PPP2R2B: variants seen among roughly 807,000 people sequenced by gnomAD.
PPP2R2B encodes the protein protein phosphatase 2 regulatory subunit Bbeta.
A neutral mutation model predicts 46.0 loss-of-function variants in PPP2R2B; 5 were observed. The observed-to-expected ratio is 0.11, with a 90% CI of 0.06 to 0.23. The LOEUF (loss-of-function observed/expected upper bound fraction) is 0.23. Ranked by LOEUF, PPP2R2B falls within the 10% of genes least tolerant of loss-of-function variation. The pLI, the probability that PPP2R2B is intolerant of heterozygous loss-of-function variation, is 1.00. For missense variants in PPP2R2B, 367 were observed against 575.0 expected, an observed-to-expected ratio of 0.64 and a Z score of 3.70; for synonymous variants, 215 against 206.7, an observed-to-expected ratio of 1.04 and a Z score of -0.34.
intron 2 of PPP2R2B, among the ~76,000 whole-genome samples, chr5:146,849,036 CTT>C (rs1029566096): frequency 6.6e-6 from 1 of 151,692 alleles, no homozygotes. Flanking sequence ...GGCTTTTTTC[CTT>C]TTTTTTCAGT....
At chr5:146,835,784 G>A (rs1163073616) in intron 2 of PPP2R2B, among the ~76,000 whole-genome samples, 1 of 152,120 alleles carries the variant, frequency 6.6e-6, no homozygotes, top group Non-Finnish European at 1.5e-5. Flanking sequence ...TTGTAAATAA[G>A]GCTGGCAATG....
At chr5:146,965,129 A>G (rs556488978) in intron 1 of PPP2R2B, among the ~76,000 whole-genome samples, 26 of 152,320 alleles carry the variant, frequency 1.7e-4, no homozygotes, top group Non-Finnish European at 3.1e-4. Context: ...ACTTACTCAC[A>G]GTCACTCAGT....
intron 1 of PPP2R2B, among the ~76,000 whole-genome samples, chr5:146,920,521 T>C (rs891284593): frequency 6.6e-6 from 1 of 152,228 alleles, no homozygotes; most frequent in Admixed American, 6.5e-5. Flanking sequence ...ATATGCCACC[T>C]GATTGCTTTG....
intron 2 of PPP2R2B, among the ~76,000 whole-genome samples, chr5:147,078,882 G>A (rs1457841241): frequency 6.6e-6 from 1 of 151,780 alleles, no homozygotes; most frequent in Admixed American, 6.6e-5. Context: ...AGACCTCAGA[G>A]TCTCTATTGT....
chr5:147,062,348 T>C (rs1033718269), intron 2 of PPP2R2B, among the ~76,000 whole-genome samples: 3 of 152,156 alleles, frequency 2.0e-5, no homozygotes, highest in Non-Finnish European at 2.9e-5. Flanking sequence ...TGCATGACGG[T>C]AGTAGTAATA....
At chr5:146,733,911 T>C (rs190773658) in intron 2 of PPP2R2B, among the ~76,000 whole-genome samples, 21 of 152,226 alleles carry the variant, frequency 1.4e-4, no homozygotes, top group Non-Finnish European at 8.8e-5. Flanking sequence ...TAGTAGACAA[T>C]AATAACGGCA....
intron 1 of PPP2R2B, among the ~76,000 whole-genome samples, chr5:147,037,426 A>G (rs965337809): frequency 7.9e-5 from 12 of 151,870 alleles, no homozygotes; most frequent in African/African-American, 2.9e-4. Flanking sequence ...GTATGTACAT[A>G]TATGTATATG....
chr5:146,861,061 T>C (rs916678472), intron 2 of PPP2R2B, among the ~76,000 whole-genome samples: 10 of 146,870 alleles, frequency 6.8e-5, no homozygotes, highest in Non-Finnish European at 9.0e-5. Flanking sequence ...TTTCTTTTTT[T>C]TTTTTTTTTT....
At chr5:146,878,876 G>T (rs1582343778), upstream of PPP2R2B, 1 of 1,172,754 alleles carries the variant, frequency 8.5e-7, no homozygotes, top group Non-Finnish European at 1.1e-6. This position sits in a 1 kb window ranked among gnomAD's most constrained non-coding sequence, Gnocchi z 4.5. Context: ...GCTGCTCTTT[G>T]CTGCAGTGGG....
chr5:146,725,518 C>A (rs1280893464), intron 2 of PPP2R2B, among the ~76,000 whole-genome samples: 1 of 152,142 alleles, frequency 6.6e-6, no homozygotes, highest in Non-Finnish European at 1.5e-5. Context: ...AATCTTAATT[C>A]TTCTATAAGT....
At chr5:146,677,985 T>G (rs989815929) in intron 5 of PPP2R2B, among the ~76,000 whole-genome samples, 1 of 152,172 alleles carries the variant, frequency 6.6e-6, no homozygotes, top group Non-Finnish European at 1.5e-5. Flanking sequence ...GAAACATTTG[T>G]GAACAGTGAT....
At chr5:146,937,482 C>T (rs926847152) in intron 1 of PPP2R2B, among the ~76,000 whole-genome samples, 6 of 152,076 alleles carry the variant, frequency 3.9e-5, no homozygotes, top group African/African-American at 9.7e-5. Flanking sequence ...TACTTAAATA[C>T]TAAGTACTGT....
chr5:146,750,858 G>C (rs1425586712), intron 2 of PPP2R2B, among the ~76,000 whole-genome samples: 1 of 152,104 alleles, frequency 6.6e-6, no homozygotes, highest in African/African-American at 2.4e-5. Context: ...TGGTACGCTG[G>C]ATCCAGCAGC....
chr5:146,870,676 G>C (rs1002956029), intron 2 of PPP2R2B, among the ~76,000 whole-genome samples: 1 of 152,114 alleles, frequency 6.6e-6, no homozygotes, highest in Admixed American at 6.5e-5. Context: ...GGTACTCTTC[G>C]CCACGCTCCG....
At chr5:146,759,733 T>A (rs1306286879) in intron 2 of PPP2R2B, among the ~76,000 whole-genome samples, 1 of 151,910 alleles carries the variant, frequency 6.6e-6, no homozygotes, top group East Asian at 1.9e-4. Flanking sequence ...TGGGTGGGTC[T>A]GACTGGCAAA....
intron 1 of PPP2R2B, among the ~76,000 whole-genome samples, chr5:146,909,642 C>T (rs1487761924): frequency 6.6e-6 from 1 of 152,180 alleles, no homozygotes; most frequent in East Asian, 1.9e-4. Flanking sequence ...TTAAATTTGC[C>T]AAGAGGTCAG....
rs539879112 is a variant in PPP2R2B, at chr5:146,842,694, G to A, written c.70+35308C>T. Among the ~76,000 whole-genome samples, 39 of 151,926 alleles carry A rather than the reference G, an allele frequency of 2.6e-4. 1 individual carries two copies. In the South Asian group the frequency reaches 3.7e-3, roughly 15 times the overall value. ...GTGTGTTGTTCCTCTCTATGTATCCGTGTGTTCTCATCATTTAGCTCCCAC... is the reference window on the plus strand; with the variant it reads ...GTGTGTTGTTCCTCTCTATGTATCCATGTGTTCTCATCATTTAGCTCCCAC... On this transcript the variant is annotated intron_variant, in intron 2 of 9. Coordinates refer to ENST00000394411, the MANE Select transcript of PPP2R2B (RefSeq NM_181675.4).
intron 1 of PPP2R2B, among the ~76,000 whole-genome samples, chr5:146,888,815 T>A (rs1489229276): frequency 6.6e-6 from 1 of 152,170 alleles, no homozygotes; most frequent in Non-Finnish European, 1.5e-5. Context: ...ATGTTCCCTC[T>A]CTTTCAGACA....
chr5:146,999,878 G>T (rs989513031), intron 1 of PPP2R2B, among the ~76,000 whole-genome samples: 1 of 152,190 alleles, frequency 6.6e-6, no homozygotes, highest in African/African-American at 2.4e-5. Context: ...GCATGTAAAG[G>T]CCACAGGGAA....
Sources: allele counts gnomAD v4.1 joint callset (sites outside exome capture counted in the v4.1 genomes callset), GRCh38; gene constraint gnomAD v4.1.1; non-coding constraint Gnocchi (gnomAD v3.1); transcripts MANE v1.5; gene names NCBI Gene and HGNC (gene_info 2026-07-23, HGNC 2026-07-21).